The following ADAMTS3 variants were observed in gnomAD, a reference collection of about 807,000 sequenced individuals.
ADAMTS3 encodes the protein ADAM metallopeptidase with thrombospondin type 1 motif 3.
ADAMTS3 carries 73 observed loss-of-function variants against 129.0 expected under a neutral mutation model. The observed-to-expected ratio is 0.57, with a 90% CI of 0.47 to 0.69. ADAMTS3 has a LOEUF of 0.69. Among genes scored for constraint, ADAMTS3 ranks in the 30% least tolerant of loss-of-function variants. The pLI is 0.00. For missense variants in ADAMTS3, 1,457 were observed against 1,514.5 expected, an observed-to-expected ratio of 0.96 and a Z score of 0.63; for synonymous variants, 477 against 510.8, an observed-to-expected ratio of 0.93 and a Z score of 0.89.
intron 14 of ADAMTS3, 91 bp from the exon 15 acceptor site, chr4:72,309,611 G>A: frequency 7.0e-7 from 1 of 1,435,598 alleles, no homozygotes. Flanking sequence ...GTTCAGTCAT[G>A]GCCCACAGTC....
At chr4:72,478,107 A>G (rs1012354725) in intron 3 of ADAMTS3, among the ~76,000 whole-genome samples, 2 of 152,246 alleles carry the variant, frequency 1.3e-5, no homozygotes, top group Admixed American at 6.5e-5. Context: ...AAATTCTACC[A>G]GAGGTACAAG....
At position 72,306,881 on chromosome 4, in the gene ADAMTS3, CAT is replaced by C. The variant is rs141813719; in HGVS notation, c.2180-816_2180-815del. ...ATCACATACTATGTTGATACTATCA[CAT>C]GTCCTAAAAATTATCTTACAATCAT... On this transcript the variant is annotated intron_variant, in intron 15 of 21. Coordinates refer to ENST00000286657, the MANE Select transcript of ADAMTS3 (RefSeq NM_014243.3). Among the ~76,000 whole-genome samples the C allele has an allele frequency of 3.4e-3, 510 of 152,002 alleles. 1 individual carries two copies. Among genetic ancestry groups the C allele is most frequent in the African/African-American group, 0.012 (500 of 41,522 alleles).
In ADAMTS3 at chr4:72,568,826, C is replaced by A. The variant is rs1029979635; in HGVS notation, c.-64G>T. 3.3e-6 allele frequency: 4 copies of A among 1,213,356 alleles called. No homozygotes were observed. The highest frequency in any genetic ancestry group is 2.8e-5 in the East Asian group (1 of 36,286). 75.2% of individuals were successfully genotyped at this position (1,213,356 alleles called of 1,614,324 possible). A position where few individuals can be genotyped will look rare whatever the true frequency, so the allele number is the denominator to read the frequency against. ...AATGCCCAGAGCAAACCCACCCCCC[C>A]CGCCCAAAATAAGTTTCTTTAAGAA... On this transcript the variant is annotated 5_prime_UTR_variant, in exon 1 of 22. Coordinates refer to ENST00000286657, the MANE Select transcript of ADAMTS3 (RefSeq NM_014243.3).
chr4:72,499,712 T>C (rs1050973327), intron 3 of ADAMTS3, among the ~76,000 whole-genome samples: 6 of 152,132 alleles, frequency 3.9e-5, no homozygotes, highest in Non-Finnish European at 8.8e-5. Context: ...TGAGGTACAA[T>C]TGATCCCGTC....
intron 4 of ADAMTS3, among the ~76,000 whole-genome samples, chr4:72,341,305 A>G (rs1436890678): frequency 6.6e-6 from 1 of 152,140 alleles, no homozygotes; most frequent in African/African-American, 2.4e-5. Flanking sequence ...ATTCACTTTG[A>G]CCTAAGCCCA....
intron 5 of ADAMTS3, among the ~76,000 whole-genome samples, chr4:72,324,145 C>T (rs1399987532): frequency 6.6e-6 from 1 of 152,146 alleles, no homozygotes; most frequent in Non-Finnish European, 1.5e-5. Context: ...GAGATTTGAA[C>T]AGTAGACACA....
intron 4 of ADAMTS3, among the ~76,000 whole-genome samples, chr4:72,392,915 A>ATTTTTTTTTTTT (rs36046621): frequency 2.9e-5 from 4 of 139,852 alleles, no homozygotes; most frequent in Non-Finnish European, 3.1e-5. Flanking sequence ...TACCCATCGG[A>ATTTTTTTTTTTT]TTTTTTTTTT....
intron 3 of ADAMTS3, among the ~76,000 whole-genome samples, chr4:72,508,519 T>TC (rs146951558): frequency 0.011 from 1,656 of 152,178 alleles, 21 homozygotes; most frequent in Non-Finnish European, 0.016. Flanking sequence ...AATAAGTTTT[T>TC]CCAAGAAAAA....
intron 11 of ADAMTS3, among the ~76,000 whole-genome samples, chr4:72,314,504 A>G (rs1356260214): frequency 3.3e-5 from 5 of 152,206 alleles, no homozygotes; most frequent in Non-Finnish European, 4.4e-5. Context: ...CTCAAGAGAC[A>G]TTAGCCATTT....
intron 4 of ADAMTS3, among the ~76,000 whole-genome samples, chr4:72,388,342 T>C (rs1412598471): frequency 2.6e-5 from 4 of 152,214 alleles, no homozygotes; most frequent in African/African-American, 9.6e-5. Flanking sequence ...ACTTCACTAA[T>C]CATGCAGTTT....
intron 10 of ADAMTS3, among the ~76,000 whole-genome samples, chr4:72,317,561 T>C (rs1475577658): frequency 3.3e-5 from 5 of 152,100 alleles, no homozygotes; most frequent in Non-Finnish European, 7.3e-5. Flanking sequence ...CAAGACTGGC[T>C]TTAATGGATT....
At chr4:72,313,869 A>C (rs1400432770) in intron 11 of ADAMTS3, 47 bp from the exon 12 acceptor site, 2 of 1,605,390 alleles carry the variant, frequency 1.2e-6, no homozygotes, top group African/African-American at 2.7e-5. Context: ...GCATACACTA[A>C]AGCTGAAGTT....
intron 3 of ADAMTS3, among the ~76,000 whole-genome samples, chr4:72,415,821 G>A (rs1471623206): frequency 6.6e-6 from 1 of 151,980 alleles, no homozygotes; most frequent in Non-Finnish European, 1.5e-5. Flanking sequence ...TTACAGTCAA[G>A]TAGTTGTGGC....
At position 72,505,629 on chromosome 4, in the gene ADAMTS3, C is replaced by CGA. The variant is rs145315410; in HGVS notation, c.504+42848_504+42849insTC. On this transcript the variant is annotated intron_variant, in intron 3 of 21. Transcript: ENST00000286657. ...GGTCCCCTGATGGCAGGCACATGCACAAGTGCTAAGAGACAGTCCAGTGGG... is the reference window on the plus strand; with the variant it reads ...GGTCCCCTGATGGCAGGCACATGCACGAAAGTGCTAAGAGACAGTCCAGTGGG... 8.0e-3 allele frequency among the ~76,000 whole-genome samples: 1,219 copies of CGA among 152,282 alleles called. 18 individuals are homozygous for CGA. Among genetic ancestry groups the CGA allele is most frequent in the African/African-American group, 0.028 (1,171 of 41,582 alleles).
At chr4:72,470,658 T>C (rs1719048385) in intron 3 of ADAMTS3, among the ~76,000 whole-genome samples, 1 of 151,908 alleles carries the variant, frequency 6.6e-6, no homozygotes, top group Admixed American at 6.6e-5. Flanking sequence ...ATGAAGATGT[T>C]TTCACCTTTT....
At chr4:72,312,066 T>C (rs1248239732) in intron 13 of ADAMTS3, 1 of 458,418 alleles carries the variant, frequency 2.2e-6, no homozygotes, top group Non-Finnish European at 3.9e-6. Flanking sequence ...TTTTCACCGC[T>C]GATGGTGATA....
chr4:72,459,803 A>G (rs1233886557), intron 3 of ADAMTS3, among the ~76,000 whole-genome samples: 1 of 151,574 alleles, frequency 6.6e-6, no homozygotes, highest in Middle Eastern at 3.2e-3. Flanking sequence ...ATTTTGGAAT[A>G]CTTGCATATA....
chr4:72,413,670 TACTTC>T (rs1025034457), intron 4 of ADAMTS3, among the ~76,000 whole-genome samples: 3 of 151,938 alleles, frequency 2.0e-5, no homozygotes, highest in Non-Finnish European at 4.4e-5. Flanking sequence ...CAATATATAT[TACTTC>T]TTTTTTCATT....
At chr4:72,424,554 T>A (rs1325457710) in intron 3 of ADAMTS3, among the ~76,000 whole-genome samples, 1 of 152,104 alleles carries the variant, frequency 6.6e-6, no homozygotes, top group Non-Finnish European at 1.5e-5. Flanking sequence ...TATTCAACTA[T>A]ACTAAAATGC....
Sources: gnomAD v4.1 joint callset for allele counts (sites outside exome capture counted in the v4.1 genomes callset) on GRCh38, gnomAD v4.1.1 for gene constraint, MANE v1.5 for transcripts, NCBI Gene and HGNC (gene_info 2026-07-23, HGNC 2026-07-21) for gene names.